ST6GALNAC3: variants seen among roughly 807,000 people sequenced by gnomAD.
ST6GALNAC3 encodes alpha-N-acetylgalactosaminide alpha-2,6-sialyltransferase 3.
A neutral mutation model predicts 32.7 loss-of-function variants in ST6GALNAC3; 25 were observed. That is an observed-to-expected ratio of 0.76 (90% CI 0.56 to 1.07). The LOEUF is 1.07. ST6GALNAC3 is among the 50% of genes least tolerant of loss of function. The pLI is 0.00. For synonymous variants in ST6GALNAC3, 129 were observed against 133.1 expected (o/e 0.97, Z 0.21); for missense variants, 355 against 382.4 (o/e 0.93, Z 0.60).
At chr1:76,327,637 G>A (rs555880883) in intron 2 of ST6GALNAC3, among the ~76,000 whole-genome samples, 4 of 152,124 alleles carry the variant, frequency 2.6e-5, no homozygotes, top group South Asian at 2.1e-4. Context: ...TCGCCCGGGC[G>A]GGAGGGCAGT....
At chr1:76,586,817 T>C (rs1464988025) in intron 3 of ST6GALNAC3, among the ~76,000 whole-genome samples, 1 of 152,218 alleles carries the variant, frequency 6.6e-6, no homozygotes, top group Non-Finnish European at 1.5e-5. Context: ...CTACATGATA[T>C]AGAAACTATG....
chr1:76,166,969 C>CT (rs1432735837), intron 1 of ST6GALNAC3, among the ~76,000 whole-genome samples: 11 of 152,268 alleles, frequency 7.2e-5, no homozygotes, highest in African/African-American at 2.6e-4. Flanking sequence ...TTGACTTCCT[C>CT]TCTTCCGATT....
chr1:76,598,782 G>T (rs1342303958), intron 3 of ST6GALNAC3, among the ~76,000 whole-genome samples: 8 of 151,762 alleles, frequency 5.3e-5, no homozygotes, highest in Admixed American at 5.3e-4. Flanking sequence ...GAAAGAAAAT[G>T]ATTCTTTTCA....
chr1:76,325,988 A>G (rs932304921), intron 2 of ST6GALNAC3, among the ~76,000 whole-genome samples: 2 of 151,994 alleles, frequency 1.3e-5, no homozygotes, highest in Non-Finnish European at 2.9e-5. Context: ...GTAGATGGGA[A>G]ATCTTGGGTG....
At chr1:76,237,932 A>T (rs1193813420) in intron 1 of ST6GALNAC3, among the ~76,000 whole-genome samples, 1 of 152,208 alleles carries the variant, frequency 6.6e-6, no homozygotes, top group Non-Finnish European at 1.5e-5. Flanking sequence ...AATGAATTAC[A>T]TTGATGTTGA....
chr1:76,458,686 GA>G (rs1658038443), intron 3 of ST6GALNAC3, among the ~76,000 whole-genome samples: 2 of 144,070 alleles, frequency 1.4e-5, no homozygotes, highest in Admixed American at 7.2e-5. Context: ...ATTGAACAAT[GA>G]GAACACATGG....
At chr1:76,417,231 T>C (rs1654711376) in intron 3 of ST6GALNAC3, among the ~76,000 whole-genome samples, 1 of 151,616 alleles carries the variant, frequency 6.6e-6, no homozygotes, top group South Asian at 2.1e-4. Flanking sequence ...CTTTCTTTTT[T>C]TTTTTTTAAT....
At chr1:76,397,442 C>T (rs559113930) in intron 2 of ST6GALNAC3, among the ~76,000 whole-genome samples, 1 of 149,890 alleles carries the variant, frequency 6.7e-6, no homozygotes, top group Non-Finnish European at 1.5e-5. Context: ...CGATCTCAGC[C>T]CACTGCAACC....
At chr1:76,104,840 C>T (rs549428333) in intron 1 of ST6GALNAC3, among the ~76,000 whole-genome samples, 10 of 152,194 alleles carry the variant, frequency 6.6e-5, no homozygotes, top group East Asian at 1.9e-4. Context: ...GCCTCACCTG[C>T]GGCAGACAAG....
intron 1 of ST6GALNAC3, among the ~76,000 whole-genome samples, chr1:76,303,887 T>A (rs1660876171): frequency 1.3e-5 from 2 of 151,996 alleles, no homozygotes; most frequent in Non-Finnish European, 1.5e-5. Context: ...AACAAATGTT[T>A]AAATTTTTCT....
At position 76,242,670 on chromosome 1, in the gene ST6GALNAC3, T is replaced by G. The variant is rs186162804; in HGVS notation, c.19-71135T>G. 2.8e-4 allele frequency among the ~76,000 whole-genome samples: 43 copies of G among 152,238 alleles called. 1 individual carries two copies. Among genetic ancestry groups the G allele is most frequent in the African/African-American group, 9.1e-4 (38 of 41,538 alleles). On this transcript the variant is annotated intron_variant, in intron 1 of 4. Transcript: ENST00000328299. Reference sequence around the variant, plus strand: ...CCTCCCTGTGTCCATGTGTTCTCCTTGTTCACTCCCACTTATGAGTGAGAA... The same window carrying G: ...CCTCCCTGTGTCCATGTGTTCTCCTGGTTCACTCCCACTTATGAGTGAGAA...
intron 3 of ST6GALNAC3, among the ~76,000 whole-genome samples, chr1:76,622,395 G>A (rs1446946595): frequency 1.3e-5 from 2 of 151,980 alleles, no homozygotes; most frequent in Admixed American, 6.6e-5. Flanking sequence ...GGAGAAGGAA[G>A]TACGATGCTT....
intron 1 of ST6GALNAC3, among the ~76,000 whole-genome samples, chr1:76,191,896 C>G (rs926610617): frequency 6.6e-6 from 1 of 151,876 alleles, no homozygotes; most frequent in Non-Finnish European, 1.5e-5. Flanking sequence ...TTATTTTTAC[C>G]GATGATGGAG....
intron 2 of ST6GALNAC3, among the ~76,000 whole-genome samples, chr1:76,374,650 C>T (rs1342699268): frequency 6.6e-6 from 1 of 152,092 alleles, no homozygotes; most frequent in East Asian, 1.9e-4. Context: ...GAGTACTTAC[C>T]AGACACTGGA....
At chr1:76,303,416 G>C (rs1049699178) in intron 1 of ST6GALNAC3, among the ~76,000 whole-genome samples, 4 of 152,032 alleles carry the variant, frequency 2.6e-5, no homozygotes, top group South Asian at 2.1e-4. Flanking sequence ...GTCCTAGGAA[G>C]TCAGCGTGAA....
At chr1:76,525,789 GTGTATA>G (rs1215137297) in intron 3 of ST6GALNAC3, among the ~76,000 whole-genome samples, 10 of 58,948 alleles carry the variant, frequency 1.7e-4, no homozygotes, top group Non-Finnish European at 3.0e-4. Context: ...GTGTGTGTGT[GTGTATA>G]TATATATATA....
intron 3 of ST6GALNAC3, among the ~76,000 whole-genome samples, chr1:76,418,271 A>G (rs1363408676): frequency 6.6e-6 from 1 of 152,126 alleles, no homozygotes; most frequent in Non-Finnish European, 1.5e-5. Context: ...AGTAATATCT[A>G]GAGTGGAAAG....
At chr1:76,558,004 A>G in intron 3 of ST6GALNAC3, among the ~76,000 whole-genome samples, 1 of 152,122 alleles carries the variant, frequency 6.6e-6, no homozygotes. Context: ...ATGACAAACT[A>G]TGATAAATAT....
intron 3 of ST6GALNAC3, among the ~76,000 whole-genome samples, chr1:76,528,930 G>C (rs1207718291): frequency 6.7e-6 from 1 of 150,234 alleles, no homozygotes; most frequent in African/African-American, 2.5e-5. Flanking sequence ...TCTGTGAAAA[G>C]TAGAAATAGC....
Sources: gnomAD v4.1 joint callset for allele counts (sites outside exome capture counted in the v4.1 genomes callset) on GRCh38, gnomAD v4.1.1 for gene constraint, MANE v1.5 for transcripts, NCBI Gene and HGNC (gene_info 2026-07-23, HGNC 2026-07-21) for gene names.